OPHN1: variants seen among roughly 807,000 people sequenced by gnomAD.
The protein encoded by OPHN1 is oligophrenin-1.
Under a neutral mutation model 60.7 loss-of-function variants are expected in OPHN1, and 11 were observed. That is an observed-to-expected ratio of 0.18 (90% CI 0.11 to 0.30). OPHN1 has a LOEUF of 0.30. Ranked by LOEUF, OPHN1 falls within the 10% of genes least tolerant of loss-of-function variation. OPHN1 has a pLI of 1.00. For missense variants in OPHN1, 449 were observed against 611.0 expected, an observed-to-expected ratio of 0.73 and a Z score of 2.80; for synonymous variants, 226 against 222.6, an observed-to-expected ratio of 1.02 and a Z score of -0.14.
chrX:68,217,495 G>A (rs1485579378), intron 6 of OPHN1, among the ~76,000 whole-genome samples: 1 of 111,455 alleles, frequency 9.0e-6, no homozygotes, highest in Non-Finnish European at 1.9e-5. Context: ...CAAACAAAAA[G>A]ACAGCAGTAA....
rs941632449 is a variant in OPHN1, at chrX:68,193,756, T to C, written c.1201+134A>G. 3 of 543,646 alleles carry C rather than the reference T, an allele frequency of 5.5e-6. No homozygotes were observed. The Admixed American group carries it at 9.0e-5, about 16-fold the overall frequency. The allele number at this position is 543,646 out of a possible 1,213,427, so 44.8% of individuals were successfully genotyped here. Reference sequence around the variant, plus strand: ...ACCACTAGTTTAGAATTTTCTGAAATTTTCTAGCTTGCATCTACTACACAA... The same window carrying C: ...ACCACTAGTTTAGAATTTTCTGAAACTTTCTAGCTTGCATCTACTACACAA... On this transcript the variant is annotated intron_variant, in intron 14 of 24. Coordinates refer to ENST00000355520, the MANE Select transcript of OPHN1 (RefSeq NM_002547.3).
chrX:68,203,210 G>T (rs369780277), intron 10 of OPHN1, among the ~76,000 whole-genome samples: 1 of 111,792 alleles, frequency 8.9e-6, no homozygotes, highest in African/African-American at 3.3e-5. Context: ...CGCCAAGATC[G>T]TGCCACTGCA....
intron 2 of OPHN1, among the ~76,000 whole-genome samples, chrX:68,303,259 A>C (rs1349854272): frequency 8.9e-6 from 1 of 112,349 alleles, no homozygotes; most frequent in Non-Finnish European, 1.9e-5. Flanking sequence ...CAAAAGCAGT[A>C]TATCAAAGAG....
chrX:68,310,181 G>A (rs2078166217), intron 2 of OPHN1, among the ~76,000 whole-genome samples: 1 of 111,243 alleles, frequency 9.0e-6, no homozygotes, highest in Non-Finnish European at 1.9e-5. Context: ...ACTATATGTG[G>A]TAGTTGGAAT....
intron 15 of OPHN1, among the ~76,000 whole-genome samples, chrX:68,191,826 A>G (rs771047965): frequency 4.0e-4 from 45 of 111,639 alleles, no homozygotes; most frequent in African/African-American, 1.4e-3. Context: ...TATGTGGAAA[A>G]AGAGCTCAAC....
chrX:68,066,140 C>A (rs2076912439), intron 20 of OPHN1, among the ~76,000 whole-genome samples: 1 of 112,526 alleles, frequency 8.9e-6, no homozygotes, highest in South Asian at 3.7e-4. Flanking sequence ...GTGGCAGAGG[C>A]CATCTTTAAA....
chrX:68,416,033 A>AAT lies in OPHN1; in HGVS notation c.154+16832_154+16833dup, dbSNP rs1163304135. On this transcript the variant is annotated intron_variant, in intron 2 of 24. Coordinates refer to ENST00000355520, the MANE Select transcript of OPHN1 (RefSeq NM_002547.3). ...CCGTCTCAAAAAAAAAAAATTATATAATATATATATATATATATATATATA... is the reference window on the plus strand; with the variant it reads ...CCGTCTCAAAAAAAAAAAATTATATAATATATATATATATATATATATATATA... Among the ~76,000 whole-genome samples, 200 of 29,583 alleles carry AAT rather than the reference A, an allele frequency of 6.8e-3. 1 individual carries two copies. The highest frequency in any genetic ancestry group is 0.01 in the Non-Finnish European group (148 of 14,489). The allele number at this position is 29,583 out of a possible 115,157, so 25.7% of individuals were successfully genotyped here. A position where few individuals can be genotyped will look rare whatever the true frequency, so the allele number is the denominator to read the frequency against.
intron 15 of OPHN1, among the ~76,000 whole-genome samples, chrX:68,164,942 C>T (rs1294690712): frequency 3.6e-5 from 4 of 112,567 alleles, no homozygotes; most frequent in Non-Finnish European, 7.5e-5. Flanking sequence ...GTTATAGAGA[C>T]AGCTTCTTTC....
intron 2 of OPHN1, among the ~76,000 whole-genome samples, chrX:68,314,288 G>A (rs1163036152): frequency 9.0e-6 from 1 of 111,259 alleles, no homozygotes; most frequent in Non-Finnish European, 1.9e-5. Flanking sequence ...TTGGGAGGCT[G>A]AGGCGGGTGG....
intron 5 of OPHN1, among the ~76,000 whole-genome samples, chrX:68,237,445 A>G (rs2077758422): frequency 1.8e-5 from 2 of 112,207 alleles, no homozygotes; most frequent in African/African-American, 6.5e-5. Context: ...CAACTTGATG[A>G]GTAATGCCAT....
intron 18 of OPHN1, among the ~76,000 whole-genome samples, chrX:68,109,097 C>T (rs1187556878): frequency 2.7e-5 from 3 of 110,831 alleles, no homozygotes; most frequent in Non-Finnish European, 5.7e-5. Context: ...ACTGTCACCC[C>T]TTATATAATT....
At chrX:68,128,016 ACTGT>A (rs747593199) in intron 15 of OPHN1, among the ~76,000 whole-genome samples, 1 of 111,245 alleles carries the variant, frequency 9.0e-6, no homozygotes, top group South Asian at 3.8e-4. Context: ...CTATCATATA[ACTGT>A]CTAACTGAAA....
At chrX:68,236,768 G>A (rs1253385447) in intron 5 of OPHN1, among the ~76,000 whole-genome samples, 1 of 112,120 alleles carries the variant, frequency 8.9e-6, no homozygotes, top group Non-Finnish European at 1.9e-5. Flanking sequence ...CTGTATGGAT[G>A]TACTATGTTT....
At chrX:68,204,772 G>A (rs964690890) in intron 10 of OPHN1, among the ~76,000 whole-genome samples, 1 of 111,266 alleles carries the variant, frequency 9.0e-6, no homozygotes, top group African/African-American at 3.3e-5. Context: ...AAAGAGAAGA[G>A]GGAAAGAAAA....
At position 68,071,045 on chromosome X, in the gene OPHN1, A is replaced by G. The variant is rs775296853; in HGVS notation, c.1834+2107T>C. ...TCCATGTTGTTGAGCACCTTAAGGAAGGTAAAAGCCGTTCCACCACCAATA... is the reference window on the plus strand; with the variant it reads ...TCCATGTTGTTGAGCACCTTAAGGAGGGTAAAAGCCGTTCCACCACCAATA... On this transcript the variant is annotated intron_variant, in intron 20 of 24. Transcript: ENST00000355520. 1,055 of 1,118,556 alleles carry G rather than the reference A, an allele frequency of 9.4e-4. 4 individuals carry two copies. The highest frequency in any genetic ancestry group is 1.2e-3 in the Non-Finnish European group (1,002 of 813,368). The allele number at this position is 1,118,556 out of a possible 1,213,427, so 92.2% of individuals were successfully genotyped here. A position where few individuals can be genotyped will look rare whatever the true frequency, so the allele number is the denominator to read the frequency against.
chrX:68,422,514 A>C (rs1300119903), intron 2 of OPHN1, among the ~76,000 whole-genome samples: 1 of 103,548 alleles, frequency 9.7e-6, no homozygotes, highest in African/African-American at 3.5e-5. Flanking sequence ...AGAAAAAGAA[A>C]GAGAAAGAAA....
intron 12 of OPHN1, among the ~76,000 whole-genome samples, chrX:68,195,830 C>A (rs1279756806): frequency 8.9e-6 from 1 of 111,998 alleles, no homozygotes; most frequent in Non-Finnish European, 1.9e-5. Flanking sequence ...GTGGAAAAAT[C>A]TGCCATGATC....
chrX:68,236,111 T>C (rs2077751852), intron 5 of OPHN1, among the ~76,000 whole-genome samples: 1 of 111,082 alleles, frequency 9.0e-6, no homozygotes, highest in Non-Finnish European at 1.9e-5. Flanking sequence ...CAGATTATCA[T>C]GGGTGGAATA....
chrX:68,260,269 T>C lies in OPHN1; in HGVS notation c.384+14469A>G, dbSNP rs141914959. ...ATGGACTCATATAGCAGGTAATCTT[T>C]CGTGACTGTTTTTTTTTAACTCAAC... On this transcript the variant is annotated intron_variant, in intron 5 of 24. Coordinates refer to ENST00000355520, the MANE Select transcript of OPHN1 (RefSeq NM_002547.3). Among the ~76,000 whole-genome samples, 134 of 110,865 alleles carry C rather than the reference T, an allele frequency of 1.2e-3. No individual in the cohort carries two copies. The Middle Eastern group carries it at 0.014, about 12-fold the overall frequency.
Sources: gnomAD v4.1 joint callset for allele counts (sites outside exome capture counted in the v4.1 genomes callset) on GRCh38, gnomAD v4.1.1 for gene constraint, MANE v1.5 for transcripts, NCBI Gene and HGNC (gene_info 2026-07-23, HGNC 2026-07-21) for gene names.